Variants in USP6NL observed in about 807,000 individuals in gnomAD.
USP6NL encodes USP6 N-terminal-like protein.
In USP6NL, 26 loss-of-function variants were observed where a neutral mutation model predicts 61.9. The ratio of observed to expected loss-of-function variants is 0.42; its 90% CI spans 0.31 to 0.58. The LOEUF is 0.58. Ranked by LOEUF, USP6NL falls within the 20% of genes least tolerant of loss-of-function variation. The pLI, the probability that USP6NL is intolerant of heterozygous loss-of-function variation, is 0.16. For synonymous variants in USP6NL, 432 were observed against 390.1 expected (o/e 1.11, Z -1.27); for missense variants, 1,114 against 1,034.3 (o/e 1.08, Z -1.06).
In USP6NL at chr10:11,605,163, C is replaced by G. The variant is rs142383408; in HGVS notation, c.-84+6280G>C. ...GAAATCTGAAATAGAAAGCAAGGAACCTTGAGGCTTCTTTAGGTAAACGTT... is the reference window on the plus strand; with the variant it reads ...GAAATCTGAAATAGAAAGCAAGGAAGCTTGAGGCTTCTTTAGGTAAACGTT... On this transcript the variant is annotated intron_variant, in intron 1 of 14. Transcript: ENST00000609104. 2.0e-4 allele frequency among the ~76,000 whole-genome samples: 30 copies of G among 152,280 alleles called. No homozygotes were observed. In the East Asian group the frequency reaches 5.2e-3, roughly 26 times the overall value.
Position 11,485,748 on chromosome 10 carries a change from C to T in USP6NL, c.759+69G>A. ...ATTAATAAGGTAATTGGACCAAAGA[C>T]AATTTAATTATCCCAGCTTTTTTTG... On this transcript the variant is annotated intron_variant, in intron 11 of 14. Coordinates refer to ENST00000609104, the MANE Select transcript of USP6NL (RefSeq NM_014688.5). The surrounding 1 kb of genome is among the most constrained non-coding windows in gnomAD (Gnocchi z 4.8). 3 of 1,027,558 alleles carry T rather than the reference C, an allele frequency of 2.9e-6. No individual in the cohort carries two copies. Among genetic ancestry groups the T allele is most frequent in the Non-Finnish European group, 4.3e-6 (3 of 700,866 alleles). The allele number at this position is 1,027,558 out of a possible 1,614,324, so 63.7% of individuals were successfully genotyped here.
chr10:11,497,931 A>G (rs1471160911), intron 7 of USP6NL, among the ~76,000 whole-genome samples: 1 of 152,100 alleles, frequency 6.6e-6, no homozygotes, highest in African/African-American at 2.4e-5. Context: ...AGTGGAAAGC[A>G]TTTAGATAAA....
intron 8 of USP6NL, among the ~76,000 whole-genome samples, chr10:11,492,439 T>C (rs765573203): frequency 6.6e-6 from 1 of 152,210 alleles, no homozygotes; most frequent in Non-Finnish European, 1.5e-5. Flanking sequence ...ATTCAATCTG[T>C]TGAAAGGCCT....
rs1754387356 is a variant in USP6NL, at chr10:11,574,318, C to G, written c.4+23313G>C. ...CTTGTCCTCCTCCTCACATATACAC[C>G]TCTGACATCCCAGTCCATGAATAGA... is the stretch of plus-strand genomic sequence containing the variant. On this transcript the variant is annotated intron_variant, in intron 2 of 14. Transcript: ENST00000609104. This position sits in a 1 kb window ranked among gnomAD's most constrained non-coding sequence, Gnocchi z 4.3. Among the ~76,000 whole-genome samples, 1 of 152,180 alleles carries G rather than the reference C, an allele frequency of 6.6e-6. No individual in the cohort carries two copies. Among genetic ancestry groups the G allele is most frequent in the African/African-American group, 2.4e-5 (1 of 41,444 alleles).
chr10:11,577,191 G>A (rs1236548817), intron 2 of USP6NL, among the ~76,000 whole-genome samples: 1 of 151,584 alleles, frequency 6.6e-6, no homozygotes, highest in East Asian at 1.9e-4. Context: ...CAGAGTAGCT[G>A]GGACTACAGG....
rs1450352060 is a variant in USP6NL, at chr10:11,540,179, A to G, written c.5-12612T>C. Among the ~76,000 whole-genome samples, 1 of 152,190 alleles carries G rather than the reference A, an allele frequency of 6.6e-6. No individual in the cohort carries two copies. The highest frequency in any genetic ancestry group is 1.5e-5 in the Non-Finnish European group (1 of 68,030). ...TGGATTCTAGTAGCCCTCCAATCTC[A>G]TTACATGAAATTGTCAATTATTTGT... On this transcript the variant is annotated intron_variant, in intron 2 of 14. Transcript: ENST00000609104. This position sits in a 1 kb window ranked among gnomAD's most constrained non-coding sequence, Gnocchi z 5.0.
At position 11,485,036 on chromosome 10, in the gene USP6NL, A is replaced by T. The variant is rs781320599; in HGVS notation, c.860T>A (p.Ile287Asn). 2 of 1,551,430 alleles carry T rather than the reference A, an allele frequency of 1.3e-6. No homozygotes were observed. Among genetic ancestry groups the T allele is most frequent in the Non-Finnish European group, 8.7e-7 (1 of 1,146,976 alleles). ...PFTLNLRIWD[I>N]YIFEGERVLT... Reference sequence around the variant, plus strand: ...AACTCGTTCTCCTTCAAAGATGTAGATATCCCATATTCTGAGGTTTAGTGT... The same window carrying T: ...AACTCGTTCTCCTTCAAAGATGTAGTTATCCCATATTCTGAGGTTTAGTGT... The change falls in exon 13 of 15, where the codon ATC becomes AAC. Residue 287 changes from isoleucine to asparagine, a missense_variant. By Grantham distance (149) the Ile-to-Asn change is moderately radical (BLOSUM62 -3). Coordinates refer to ENST00000609104, the MANE Select transcript of USP6NL (RefSeq NM_014688.5). This position sits in a 1 kb window ranked among gnomAD's most constrained non-coding sequence, Gnocchi z 4.8.
intron 2 of USP6NL, among the ~76,000 whole-genome samples, chr10:11,550,336 C>A (rs1836435766): frequency 6.6e-6 from 1 of 152,044 alleles, no homozygotes; most frequent in Non-Finnish European, 1.5e-5. Context: ...AAAAGCAAGA[C>A]TGGGAGAAAA....
At chr10:11,567,187 TTC>T (rs1331669380) in intron 2 of USP6NL, among the ~76,000 whole-genome samples, 1 of 152,240 alleles carries the variant, frequency 6.6e-6, no homozygotes, top group Non-Finnish European at 1.5e-5. Flanking sequence ...TTCTTTAAAT[TTC>T]ATTTTATTTT....
intron 2 of USP6NL, among the ~76,000 whole-genome samples, chr10:11,530,480 G>A (rs1835613526): frequency 6.6e-6 from 1 of 152,150 alleles, no homozygotes; most frequent in Admixed American, 6.5e-5. Flanking sequence ...TATTGGAATT[G>A]GATGAAATTG....
rs1306818600 is a variant in USP6NL at position 11,600,922 on chromosome 10, C to T, written c.-83-3205G>A. On this transcript the variant is annotated intron_variant, in intron 1 of 14. Transcript: ENST00000609104. The surrounding 1 kb of genome is among the most constrained non-coding windows in gnomAD (Gnocchi z 4.1). ...GGTGGAGGCTGCAGTAAGCCAAGAT[C>T]GCACCACTGCACTCCAGCCTGGGCA... Among the ~76,000 whole-genome samples the T allele has an allele frequency of 6.6e-6, 1 of 151,750 alleles. No individual in the cohort carries two copies. The highest frequency in any genetic ancestry group is 1.5e-5 in the Non-Finnish European group (1 of 67,964).
intron 2 of USP6NL, among the ~76,000 whole-genome samples, chr10:11,535,201 T>G (rs1203676477): frequency 6.6e-6 from 1 of 152,206 alleles, no homozygotes. Context: ...CAGATTTCCA[T>G]GTGGCAAATA....
chr10:11,533,029 A>G (rs926336432), intron 2 of USP6NL, among the ~76,000 whole-genome samples: 1 of 152,210 alleles, frequency 6.6e-6, no homozygotes, highest in African/African-American at 2.4e-5. Flanking sequence ...CCATTTTGCA[A>G]AAGTAACATC....
chr10:11,501,728 T>C (rs1040661210), intron 6 of USP6NL, among the ~76,000 whole-genome samples: 13 of 152,230 alleles, frequency 8.5e-5, no homozygotes, highest in Non-Finnish European at 1.6e-4. Flanking sequence ...TCTCCTCATC[T>C]ATCTGAAAAC....
Position 11,575,575 on chromosome 10 carries a change from A to G in USP6NL, c.4+22056T>C, listed in dbSNP as rs1387556114. Reference sequence around the variant, plus strand: ...CTAAATTCATGTCTCATAAATTTCAATCATCATCTTCCTTATCTCACTGGT... The same window carrying G: ...CTAAATTCATGTCTCATAAATTTCAGTCATCATCTTCCTTATCTCACTGGT... On this transcript the variant is annotated intron_variant, in intron 2 of 14. Coordinates refer to ENST00000609104, the MANE Select transcript of USP6NL (RefSeq NM_014688.5). The surrounding 1 kb of genome is among the most constrained non-coding windows in gnomAD (Gnocchi z 4.2). Among the ~76,000 whole-genome samples the G allele has an allele frequency of 6.6e-6, 1 of 152,214 alleles. No individual in the cohort carries two copies. The highest frequency in any genetic ancestry group is 2.4e-5 in the African/African-American group (1 of 41,472).
At chr10:11,554,802 T>A (rs983908151) in intron 2 of USP6NL, among the ~76,000 whole-genome samples, 1 of 95,864 alleles carries the variant, frequency 1.0e-5, no homozygotes, top group Non-Finnish European at 2.6e-5. Context: ...GTAAGGCAGC[T>A]TTTTTTTTTT....
chr10:11,569,497 CAAA>C (rs1837283334), intron 2 of USP6NL, among the ~76,000 whole-genome samples: 1 of 152,048 alleles, frequency 6.6e-6, no homozygotes, highest in Non-Finnish European at 1.5e-5. Flanking sequence ...GAAGCAAAAG[CAAA>C]ATGCTAAGAG....
At position 11,468,621 on chromosome 10, in the gene USP6NL, C is replaced by T. The variant is rs1310050368; in HGVS notation, c.1079-4772G>A. Among the ~76,000 whole-genome samples, 1 of 152,110 alleles carries T rather than the reference C, an allele frequency of 6.6e-6. No homozygotes were observed. Among genetic ancestry groups the T allele is most frequent in the African/African-American group, 2.4e-5 (1 of 41,414 alleles). Reference sequence around the variant, plus strand: ...TAAAACACCAGTGTGGTGCAGGAAACAATAAACTGTAGCGTGGGAGTGGAG... The same window carrying T: ...TAAAACACCAGTGTGGTGCAGGAAATAATAAACTGTAGCGTGGGAGTGGAG... On this transcript the variant is annotated intron_variant, in intron 14 of 14. Coordinates refer to ENST00000609104, the MANE Select transcript of USP6NL (RefSeq NM_014688.5). The surrounding 1 kb of genome is among the most constrained non-coding windows in gnomAD (Gnocchi z 4.5).
In USP6NL at chr10:11,596,748, T is replaced by C. The variant is rs1254542768; in HGVS notation, c.4+883A>G. 6.6e-6 allele frequency among the ~76,000 whole-genome samples: 1 copy of C among 152,156 alleles called. No homozygotes were observed. Among genetic ancestry groups the C allele is most frequent in the Admixed American group, 6.5e-5 (1 of 15,282 alleles). ...AAGTCAAAAATCAAAGACCGTTCCT[T>C]ACAATATTATTCTTAGTAGAAGCAC... On this transcript the variant is annotated intron_variant, in intron 2 of 14. Transcript: ENST00000609104. This position sits in a 1 kb window ranked among gnomAD's most constrained non-coding sequence, Gnocchi z 4.1.
Sources: allele counts gnomAD v4.1 joint callset (sites outside exome capture counted in the v4.1 genomes callset), GRCh38; gene constraint gnomAD v4.1.1; non-coding constraint Gnocchi (gnomAD v3.1); transcripts MANE v1.5; gene names NCBI Gene and HGNC (gene_info 2026-07-23, HGNC 2026-07-21).